Variants in MAP3K4 observed in about 807,000 individuals in gnomAD.
The protein encoded by MAP3K4 is mitogen-activated protein kinase kinase kinase 4.
A neutral mutation model predicts 185.6 loss-of-function variants in MAP3K4; 67 were observed. The observed-to-expected ratio is 0.36, with a 90% CI of 0.30 to 0.44. The LOEUF is 0.44. Among genes scored for constraint, MAP3K4 ranks in the 20% least tolerant of loss-of-function variants. The pLI, the probability that MAP3K4 is intolerant of heterozygous loss-of-function variation, is 1.00. For missense variants in MAP3K4, 1,551 were observed against 1,995.1 expected (o/e 0.78, Z 4.24); for synonymous variants, 702 against 710.4 (o/e 0.99, Z 0.19).
rs1302627078 is a variant in MAP3K4, at chr6:161,087,590, CT to C, written c.2557-95del. Reference sequence around the variant, plus strand: ...CCAATTCATGCCCTTCCCACTTTCCCTTTCCCAAACCTGCCTCTCCTTTCCT... The same window carrying C: ...CCAATTCATGCCCTTCCCACTTTCCCTTCCCAAACCTGCCTCTCCTTTCCT... On this transcript the variant is annotated intron_variant, in intron 9 of 26. Coordinates refer to ENST00000392142, the MANE Select transcript of MAP3K4 (RefSeq NM_005922.4). This position sits in a 1 kb window ranked among gnomAD's most constrained non-coding sequence, Gnocchi z 4.9. 2 of 1,333,408 alleles carry C rather than the reference CT, an allele frequency of 1.5e-6. No homozygotes were observed. The highest frequency in any genetic ancestry group is 2.1e-6 in the Non-Finnish European group (2 of 948,288). The allele number at this position is 1,333,408 out of a possible 1,614,324, so 82.6% of individuals were successfully genotyped here. A position where few individuals can be genotyped will look rare whatever the true frequency, so the allele number is the denominator to read the frequency against.
chr6:161,112,789 C>T lies in MAP3K4; in HGVS notation c.4626+15C>T, dbSNP rs1374690130. On this transcript the variant is annotated intron_variant, in intron 25 of 26. Coordinates refer to ENST00000392142, the MANE Select transcript of MAP3K4 (RefSeq NM_005922.4). The surrounding 1 kb of genome is among the most constrained non-coding windows in gnomAD (Gnocchi z 5.1). Reference sequence around the variant, plus strand: ...TGACTGGCAAGGTAAGCGGAGCCCCCACACCTGGCGGAGCAACTTCAGAAG... The same window carrying T: ...TGACTGGCAAGGTAAGCGGAGCCCCTACACCTGGCGGAGCAACTTCAGAAG... The T allele has an allele frequency of 1.3e-6, 2 of 1,546,152 alleles. No individual in the cohort carries two copies. Among genetic ancestry groups the T allele is most frequent in the South Asian group, 1.3e-5 (1 of 79,008 alleles).
At chr6:161,029,117 C>T (rs538239477) in intron 1 of MAP3K4, among the ~76,000 whole-genome samples, 35 of 152,128 alleles carry the variant, frequency 2.3e-4, no homozygotes, top group Non-Finnish European at 4.7e-4. Flanking sequence ...ATACTTATTA[C>T]CTAATAGAGA....
At chr6:161,089,300 C>T (rs1292381416) in intron 10 of MAP3K4, 22 bp from the exon 11 acceptor site, 2 of 1,608,226 alleles carry the variant, frequency 1.2e-6, no homozygotes, top group African/African-American at 1.3e-5. Context: ...TTTTTATGTC[C>T]TGTGCTTGAT....
chr6:161,109,877 C>T lies in MAP3K4; in HGVS notation c.4359C>T (p.Val1453=), dbSNP rs1778267850. 1.2e-6 allele frequency: 2 copies of T among 1,614,028 alleles called. No individual in the cohort carries two copies. The highest frequency in any genetic ancestry group is 1.7e-6 in the Non-Finnish European group (2 of 1,180,044). Residue 1453 remains valine, a synonymous_variant, in exon 23 of 27, where the codon GTC becomes GTT. Coordinates refer to ENST00000392142, the MANE Select transcript of MAP3K4 (RefSeq NM_005922.4). This position sits in a 1 kb window ranked among gnomAD's most constrained non-coding sequence, Gnocchi z 5.7. ...YSKQITIAIN[V]LHEHGIVHRD... ...AGCAGATCACCATTGCGATCAACGTCCTCCATGAGCATGGCATAGTCCACC... is the reference window on the plus strand; with the variant it reads ...AGCAGATCACCATTGCGATCAACGTTCTCCATGAGCATGGCATAGTCCACC...
In MAP3K4 at chr6:161,084,111, A is replaced by T. The variant is rs1037923338; in HGVS notation, c.2256-390A>T. Among the ~76,000 whole-genome samples, 2 of 152,242 alleles carry T rather than the reference A, an allele frequency of 1.3e-5. No individual in the cohort carries two copies. The highest frequency in any genetic ancestry group is 2.9e-5 in the Non-Finnish European group (2 of 68,038). On this transcript the variant is annotated intron_variant, in intron 6 of 26. Coordinates refer to ENST00000392142, the MANE Select transcript of MAP3K4 (RefSeq NM_005922.4). This position sits in a 1 kb window ranked among gnomAD's most constrained non-coding sequence, Gnocchi z 4.6. ...CATGTTTATTGACTATACAAAGCTA[A>T]TTGTGGGGGAAATTTGTAAAAACAG...
Position 161,053,837 on chromosome 6 carries a change from A to G in MAP3K4, c.1707+3858A>G, listed in dbSNP as rs1270143061. ...TTGAACTCCTGACCCCAAATGATCC[A>G]CCTGCCTCCGCCTCCCAAAGTGCTG... On this transcript the variant is annotated intron_variant, in intron 3 of 26. Coordinates refer to ENST00000392142, the MANE Select transcript of MAP3K4 (RefSeq NM_005922.4). This position sits in a 1 kb window ranked among gnomAD's most constrained non-coding sequence, Gnocchi z 4.2. Among the ~76,000 whole-genome samples, 1 of 151,892 alleles carries G rather than the reference A, an allele frequency of 6.6e-6. No homozygotes were observed. The highest frequency in any genetic ancestry group is 1.5e-5 in the Non-Finnish European group (1 of 67,980).
intron 3 of MAP3K4, among the ~76,000 whole-genome samples, chr6:161,059,776 A>T (rs892735059): frequency 1.3e-5 from 2 of 151,044 alleles, no homozygotes; most frequent in African/African-American, 4.9e-5. Flanking sequence ...TTCTTTTTAC[A>T]CTTTGAATCA....
intron 2 of MAP3K4, among the ~76,000 whole-genome samples, chr6:161,040,574 G>C (rs185440459): frequency 6.6e-6 from 1 of 152,236 alleles, no homozygotes; most frequent in East Asian, 1.9e-4. Flanking sequence ...ACCCAAATAA[G>C]GTTAAGAAGC....
rs977133347 is a variant in MAP3K4, at chr6:161,007,227, C to T, written c.152+15144C>T. Among the ~76,000 whole-genome samples, 4 of 152,014 alleles carry T rather than the reference C, an allele frequency of 2.6e-5. No homozygotes were observed. The highest frequency in any genetic ancestry group is 9.7e-5 in the African/African-American group (4 of 41,370). ...GGCAAGGTCTTCATCCTGCTTGAGT[C>T]CTGGCATCAAAACAAAGGAAAAATA... On this transcript the variant is annotated intron_variant, in intron 1 of 26. Transcript: ENST00000392142. The surrounding 1 kb of genome is among the most constrained non-coding windows in gnomAD (Gnocchi z 4.5).
chr6:161,081,492 A>T (rs1206769533), intron 6 of MAP3K4, among the ~76,000 whole-genome samples: 1 of 152,224 alleles, frequency 6.6e-6, no homozygotes, highest in Non-Finnish European at 1.5e-5. Context: ...GGGGACATGC[A>T]GAACTTAAGA....
Position 161,109,703 on chromosome 6 carries a change from G to T in MAP3K4, c.4237-52G>T, listed in dbSNP as rs368399021. On this transcript the variant is annotated intron_variant, in intron 22 of 26. Coordinates refer to ENST00000392142, the MANE Select transcript of MAP3K4 (RefSeq NM_005922.4). This position sits in a 1 kb window ranked among gnomAD's most constrained non-coding sequence, Gnocchi z 5.7. The stretch of plus-strand genomic sequence containing the variant: ...GAAGTTTTCCAGATTTTTCACTAGC[G>T]TACATCTAAGGAAAACCGTAAACAC... 6.3e-7 allele frequency: 1 copy of T among 1,599,154 alleles called. No individual in the cohort carries two copies. Among genetic ancestry groups the T allele is most frequent in the Non-Finnish European group, 8.6e-7 (1 of 1,167,694 alleles).
chr6:161,048,368 T>G lies in MAP3K4; in HGVS notation c.344-248T>G. Reference sequence around the variant, plus strand: ...CATAGAGAGAAATAAACAGCTAGTTTAGGTAATTAGTTGTGAATATAAGAG... The same window carrying G: ...CATAGAGAGAAATAAACAGCTAGTTGAGGTAATTAGTTGTGAATATAAGAG... On this transcript the variant is annotated intron_variant, in intron 2 of 26. Coordinates refer to ENST00000392142, the MANE Select transcript of MAP3K4 (RefSeq NM_005922.4). The surrounding 1 kb of genome is among the most constrained non-coding windows in gnomAD (Gnocchi z 4.7). The G allele has an allele frequency of 1.5e-6, 1 of 652,088 alleles. No individual in the cohort carries two copies. 40.4% of individuals were successfully genotyped at this position (652,088 alleles called of 1,614,324 possible).
intron 2 of MAP3K4, among the ~76,000 whole-genome samples, chr6:161,045,013 A>G (rs1783658319): frequency 6.6e-6 from 1 of 152,172 alleles, no homozygotes; most frequent in Non-Finnish European, 1.5e-5. Flanking sequence ...GGGCAAATAT[A>G]CAAACCAAAT....
rs1781667612 is a variant in MAP3K4 at position 161,007,902 on chromosome 6, G to A, written c.152+15819G>A. On this transcript the variant is annotated intron_variant, in intron 1 of 26. Coordinates refer to ENST00000392142, the MANE Select transcript of MAP3K4 (RefSeq NM_005922.4). This position sits in a 1 kb window ranked among gnomAD's most constrained non-coding sequence, Gnocchi z 4.5. ...TTTTTTATATCAGTTGTAGGGTACG[G>A]TGAAATATCAGAGATGTTAAAATTA... Among the ~76,000 whole-genome samples the A allele has an allele frequency of 1.3e-5, 2 of 152,156 alleles. No individual in the cohort carries two copies. Among genetic ancestry groups the A allele is most frequent in the South Asian group, 4.1e-4 (2 of 4,828 alleles).
rs1188948410 is a variant in MAP3K4 at position 161,077,877 on chromosome 6, A to G, written c.2098-3004A>G. ...TAAGGGAAAGAGATGGGAAAAAAAT[A>G]TATATATGTATTAATATGTATATAC... On this transcript the variant is annotated intron_variant, in intron 5 of 26. Transcript: ENST00000392142. This position sits in a 1 kb window ranked among gnomAD's most constrained non-coding sequence, Gnocchi z 4.3. Among the ~76,000 whole-genome samples, 2 of 152,078 alleles carry G rather than the reference A, an allele frequency of 1.3e-5. No homozygotes were observed. Among genetic ancestry groups the G allele is most frequent in the African/African-American group, 2.4e-5 (1 of 41,412 alleles).
intron 6 of MAP3K4, among the ~76,000 whole-genome samples, chr6:161,083,049 C>T (rs1277706206): frequency 1.3e-5 from 2 of 152,196 alleles, no homozygotes; most frequent in Non-Finnish European, 2.9e-5. Flanking sequence ...GCTTCCCAGC[C>T]ACAGTGGCTT....
At chr6:161,010,232 A>C (rs1165320267) in intron 1 of MAP3K4, among the ~76,000 whole-genome samples, 2 of 152,190 alleles carry the variant, frequency 1.3e-5, no homozygotes, top group Admixed American at 6.5e-5. Flanking sequence ...TATGCACCAC[A>C]TGAGATGCCC....
At chr6:161,042,912 A>G (rs1166536380) in intron 2 of MAP3K4, among the ~76,000 whole-genome samples, 20 of 3,806 alleles carry the variant, frequency 5.3e-3, no homozygotes, top group African/African-American at 0.017. Flanking sequence ...GAATTTGCAC[A>G]CACACACACA....
chr6:161,105,123 A>T (rs994761140), intron 19 of MAP3K4, among the ~76,000 whole-genome samples: 4 of 152,206 alleles, frequency 2.6e-5, no homozygotes, highest in African/African-American at 9.6e-5. Flanking sequence ...AGTAGGAGTG[A>T]TCAACATTTT....
Sources: allele counts gnomAD v4.1 joint callset (sites outside exome capture counted in the v4.1 genomes callset), GRCh38; gene constraint gnomAD v4.1.1; non-coding constraint Gnocchi (gnomAD v3.1); transcripts MANE v1.5; gene names NCBI Gene and HGNC (gene_info 2026-07-23, HGNC 2026-07-21).